The following ELP4 variants were observed in gnomAD, a reference collection of about 807,000 sequenced individuals.
ELP4 encodes elongator acetyltransferase complex subunit 4, also known as elongator complex protein 4.
In ELP4, 51 loss-of-function variants were observed where a neutral mutation model predicts 48.9. The ratio of observed to expected loss-of-function variants is 1.04; its 90% CI spans 0.83 to 1.32. ELP4 has a LOEUF of 1.32. Ranked by LOEUF, ELP4 falls within the 40% of genes most tolerant of loss-of-function variation. The pLI is 0.00. For synonymous variants in ELP4, 210 were observed against 189.2 expected (o/e 1.11, Z -0.90); for missense variants, 519 against 514.6 (o/e 1.01, Z -0.08).
chr11:31,775,971 T>G (rs1948237404), intron 9 of ELP4, among the ~76,000 whole-genome samples: 1 of 151,468 alleles, frequency 6.6e-6, no homozygotes, highest in Admixed American at 6.6e-5. Flanking sequence ...TCTCAAAAAA[T>G]AAATAAATAA....
chr11:31,743,555 C>T (rs1174100272), intron 9 of ELP4, among the ~76,000 whole-genome samples: 1 of 152,102 alleles, frequency 6.6e-6, no homozygotes, highest in East Asian at 1.9e-4. Context: ...GTCTCTCAGA[C>T]CACAGTGCAA....
At chr11:31,564,605 A>G (rs1957075164) in intron 3 of ELP4, among the ~76,000 whole-genome samples, 1 of 151,916 alleles carries the variant, frequency 6.6e-6, no homozygotes, top group African/African-American at 2.4e-5. Flanking sequence ...TTCAATTCCT[A>G]CCTATGAGTG....
In ELP4 at chr11:31,647,843, T is replaced by C; in HGVS notation, c.1030T>C (p.Tyr344His). 1 of 1,578,830 alleles carries C rather than the reference T, an allele frequency of 6.3e-7. No homozygotes were observed. The highest frequency in any genetic ancestry group is 8.7e-7 in the Non-Finnish European group (1 of 1,149,056). The stretch of plus-strand genomic sequence containing the variant: ...AGAAACTAACCCATTGTATAAGGAT[T>C]ATCATGGTAAGTACAACCTTCATAA... ...ERETNPLYKD[Y>H]HGLIHIRQIP... Residue 344 changes from tyrosine to histidine, a missense_variant, in exon 8 of 10, where the codon TAT (tyrosine) becomes CAT (histidine). Transcript: ENST00000640961.
chr11:31,555,603 T>A (rs907904044), intron 3 of ELP4, among the ~76,000 whole-genome samples: 4 of 151,794 alleles, frequency 2.6e-5, no homozygotes, highest in Non-Finnish European at 5.9e-5. Flanking sequence ...ATTAATGTGG[T>A]CCAGTTTTTG....
chr11:31,676,030 G>A (rs1945919446), intron 9 of ELP4, among the ~76,000 whole-genome samples: 1 of 151,626 alleles, frequency 6.6e-6, no homozygotes, highest in Admixed American at 6.6e-5. Flanking sequence ...ACTCTGTGTT[G>A]ATTCTTCATC....
At chr11:31,604,492 A>G (rs939669178) in intron 5 of ELP4, among the ~76,000 whole-genome samples, 4 of 151,894 alleles carry the variant, frequency 2.6e-5, no homozygotes, top group Non-Finnish European at 5.9e-5. Context: ...CTGCCAGTAC[A>G]TTATTAAGAC....
chr11:31,564,170 T>C (rs1016509705), intron 3 of ELP4, among the ~76,000 whole-genome samples: 11 of 152,170 alleles, frequency 7.2e-5, no homozygotes, highest in Non-Finnish European at 1.3e-4. Flanking sequence ...AATAATGTAT[T>C]GAATACAAAC....
At chr11:31,701,682 T>G (rs1057065000) in intron 9 of ELP4, among the ~76,000 whole-genome samples, 29 of 150,222 alleles carry the variant, frequency 1.9e-4, no homozygotes, top group Non-Finnish European at 4.1e-4. Context: ...CTATATATAT[T>G]TCATGGTTTT....
At chr11:31,588,579 TG>T (rs1385519086) in intron 3 of ELP4, among the ~76,000 whole-genome samples, 4 of 152,236 alleles carry the variant, frequency 2.6e-5, no homozygotes, top group African/African-American at 7.2e-5. Flanking sequence ...TGTTTGAAAT[TG>T]TTTTTTTTAA....
intron 9 of ELP4, among the ~76,000 whole-genome samples, chr11:31,757,957 A>G (rs1042085269): frequency 5.9e-5 from 9 of 152,224 alleles, no homozygotes; most frequent in African/African-American, 2.2e-4. Context: ...TTTCTTTGGC[A>G]TTAGACAAAG....
In ELP4 at chr11:31,788,093, C is replaced by T; in HGVS notation, c.*4569C>T. 1 of 223,088 alleles carries T rather than the reference C, an allele frequency of 4.5e-6. No homozygotes were observed. The highest frequency in any genetic ancestry group is 9.0e-6 in the Non-Finnish European group (1 of 111,548). The allele number at this position is 223,088 out of a possible 1,614,324, so 13.8% of individuals were successfully genotyped here. ...AAGTCTCAGACAGTCCTTTTTTACC[C>T]AACAAAGGCTTATTTTTTTCCATCC... is the stretch of plus-strand genomic sequence containing the variant. On this transcript the variant is annotated 3_prime_UTR_variant, in exon 10 of 10. Coordinates refer to ENST00000640961, the MANE Select transcript of ELP4 (RefSeq NM_019040.5).
rs1470184786 is a variant in ELP4, at chr11:31,787,398, C to T, written c.*3874C>T. 1.3e-5 allele frequency: 3 copies of T among 233,248 alleles called. No individual in the cohort carries two copies. Among genetic ancestry groups the T allele is most frequent in the Non-Finnish European group, 2.5e-5 (3 of 118,086 alleles). The allele number at this position is 233,248 out of a possible 1,614,324, so 14.4% of individuals were successfully genotyped here. ...TGCGACATCCGGGTCTCCAAAGTCT[C>T]TGCTGTCTACACAACAGAACCGTGG... On this transcript the variant is annotated 3_prime_UTR_variant, in exon 10 of 10. Transcript: ENST00000640961.
chr11:31,732,816 A>G (rs1947220216), intron 9 of ELP4, among the ~76,000 whole-genome samples: 1 of 152,202 alleles, frequency 6.6e-6, no homozygotes, highest in Admixed American at 6.5e-5. Context: ...CAAGAGACAA[A>G]GAAGGACATT....
At chr11:31,566,792 A>C (rs1957118449) in intron 3 of ELP4, among the ~76,000 whole-genome samples, 1 of 152,152 alleles carries the variant, frequency 6.6e-6, no homozygotes, top group South Asian at 2.1e-4. Context: ...TAAATTTTTT[A>C]TTTAATTCTT....
At chr11:31,782,933 A>T (rs1948411431) in intron 9 of ELP4, among the ~76,000 whole-genome samples, 1 of 152,222 alleles carries the variant, frequency 6.6e-6, no homozygotes, top group South Asian at 2.1e-4. Flanking sequence ...ACAAAGACAA[A>T]CAAGTATTCA....
intron 9 of ELP4, among the ~76,000 whole-genome samples, chr11:31,759,668 A>G (rs781431137): frequency 8.0e-5 from 12 of 150,592 alleles, no homozygotes; most frequent in Non-Finnish European, 1.5e-4. Context: ...AATATGCCCT[A>G]CCTCGTTTAA....
intron 5 of ELP4, among the ~76,000 whole-genome samples, chr11:31,604,525 T>G (rs1957837152): frequency 6.6e-6 from 1 of 151,930 alleles, no homozygotes; most frequent in Admixed American, 6.6e-5. Context: ...ATTACAGGAC[T>G]TGACACTGAA....
chr11:31,583,429 A>C (rs959267817), intron 3 of ELP4, among the ~76,000 whole-genome samples: 1 of 152,154 alleles, frequency 6.6e-6, no homozygotes, highest in South Asian at 2.1e-4. Context: ...GATAAACTCC[A>C]CAAAAGATTA....
chr11:31,544,989 A>G (rs1956673438), intron 3 of ELP4, among the ~76,000 whole-genome samples: 2 of 152,188 alleles, frequency 1.3e-5, no homozygotes, highest in East Asian at 1.9e-4. Flanking sequence ...CATCCACACC[A>G]AAAACCCATC....
Sources: gnomAD v4.1 joint callset for allele counts (sites outside exome capture counted in the v4.1 genomes callset) on GRCh38, gnomAD v4.1.1 for gene constraint, MANE v1.5 for transcripts, NCBI Gene and HGNC (gene_info 2026-07-23, HGNC 2026-07-21) for gene names.